The following TFIP11 variants were observed in gnomAD, a reference collection of about 807,000 sequenced individuals.
The protein encoded by TFIP11 is tuftelin-interacting protein 11.
A neutral mutation model predicts 96.8 loss-of-function variants in TFIP11; 86 were observed. That is an observed-to-expected ratio of 0.89 (90% CI 0.75 to 1.06). The LOEUF (loss-of-function observed/expected upper bound fraction) is 1.06, where lower values mean the gene tolerates loss of function less well. Ranked by LOEUF, TFIP11 falls within the 50% of genes least tolerant of loss-of-function variation. The pLI, the probability that TFIP11 is intolerant of heterozygous loss-of-function variation, is 0.00. For synonymous variants in TFIP11, 405 were observed against 395.2 expected, an observed-to-expected ratio of 1.02 and a Z score of -0.29; for missense variants, 881 against 1,076.7, an observed-to-expected ratio of 0.82 and a Z score of 2.54.
At chr22:26,495,790 G>A (rs1381536467) in intron 12 of TFIP11, among the ~76,000 whole-genome samples, 3 of 151,852 alleles carry the variant, frequency 2.0e-5, no homozygotes, top group Non-Finnish European at 4.4e-5. Context: ...TCCAATGGCT[G>A]TCCTATTACC....
chr22:26,495,069 C>G (rs1040986466), intron 12 of TFIP11, 130 bp from the exon 13 acceptor site: 4 of 1,247,516 alleles, frequency 3.2e-6, no homozygotes, highest in Non-Finnish European at 4.4e-6. Flanking sequence ...TCAAGTGACT[C>G]TTGTGCCTCA....
intron 6 of TFIP11, among the ~76,000 whole-genome samples, chr22:26,505,450 A>G (rs74415593): frequency 6.6e-6 from 1 of 152,286 alleles, no homozygotes; most frequent in East Asian, 1.9e-4. Flanking sequence ...TTTCCACAAA[A>G]TTAAAACCCT....
In TFIP11 at chr22:26,498,964, A is replaced by G. The variant is rs570811760; in HGVS notation, c.1341T>C (p.Tyr447=). The part of the protein sequence containing the change: ...KEWDPLKDCT[Y]GTEIISKWKS... Reference sequence around the variant, plus strand: ...TCCACTTAGAGATGATCTCGGTGCCATAAGTGCAGTCCTGAGGAGAAAGGT... The same window carrying G: ...TCCACTTAGAGATGATCTCGGTGCCGTAAGTGCAGTCCTGAGGAGAAAGGT... The change falls in exon 10 of 15, where the codon TAT becomes TAC. Residue 447 remains tyrosine (Y), a synonymous_variant. Transcript: ENST00000407690. 22 of 1,613,602 alleles carry G rather than the reference A, an allele frequency of 1.4e-5. No homozygotes were observed. Among genetic ancestry groups the G allele is most frequent in the African/African-American group, 2.7e-5 (2 of 74,814 alleles).
chr22:26,500,577 C>G (rs1458809165), intron 8 of TFIP11, among the ~76,000 whole-genome samples: 1 of 152,032 alleles, frequency 6.6e-6, no homozygotes. Flanking sequence ...TGAATACGGA[C>G]TACACTTCTG....
At position 26,506,892 on chromosome 22, in the gene TFIP11, G is replaced by A. The variant is rs370549830; in HGVS notation, c.246C>T (p.Ser82=). Residue 82 remains serine, a synonymous_variant, in exon 5 of 15, where the codon AGC becomes AGT. Transcript: ENST00000407690. ...RDYSAPVNFI[S]AGLKKGAAEE... is the part of the protein sequence containing the mutation. ...CCGCTGCCCCTTTCTTGAGCCCTGC[G>A]CTGATGAAGTTGACTGGCGCAGAGT... The A allele has an allele frequency of 1.4e-5, 23 of 1,613,992 alleles. No individual in the cohort carries two copies. Among genetic ancestry groups the A allele is most frequent in the African/African-American group, 4.0e-5 (3 of 74,888 alleles).
chr22:26,499,637 A>C lies in TFIP11; in HGVS notation c.802-6T>G, dbSNP rs760977008. 2 of 1,602,636 alleles carry C rather than the reference A, an allele frequency of 1.2e-6. No homozygotes were observed. Among genetic ancestry groups the C allele is most frequent in the South Asian group, 1.1e-5 (1 of 89,750 alleles). Reference sequence around the variant, plus strand: ...CGGCCTGTCATGTCTATGACCTTGGAAAACATAGAGGGATGAAGGTTAACA... The same window carrying C: ...CGGCCTGTCATGTCTATGACCTTGGCAAACATAGAGGGATGAAGGTTAACA... On this transcript the variant is annotated splice_region_variant and splice_polypyrimidine_tract_variant and intron_variant, in intron 8 of 14. Coordinates refer to ENST00000407690, the MANE Select transcript of TFIP11 (RefSeq NM_012143.4).
chr22:26,497,059 TC>T (rs1237130102), intron 10 of TFIP11, among the ~76,000 whole-genome samples, 170 bp from the exon 11 acceptor site: 1 of 152,128 alleles, frequency 6.6e-6, no homozygotes, highest in Non-Finnish European at 1.5e-5. Context: ...GCCTGCCTCT[TC>T]CTTGTTCTCT....
At position 26,492,429 on chromosome 22, in the gene TFIP11, CTG is replaced by C. The variant is rs558034655; in HGVS notation, c.2159-63_2159-62del. On this transcript the variant is annotated intron_variant, in intron 14 of 14. Transcript: ENST00000407690. The stretch of plus-strand genomic sequence containing the variant: ...GTTTCCAGGTGTATGGAAGTTGACA[CTG>C]TGGCTTGGCCCAGGTCTTGGGTGTG... 15 of 1,522,808 alleles carry C rather than the reference CTG, an allele frequency of 9.9e-6. No homozygotes were observed. The African/African-American group carries it at 1.8e-4, about 18-fold the overall frequency. The allele number at this position is 1,522,808 out of a possible 1,614,324, so 94.3% of individuals were successfully genotyped here. A position where few individuals can be genotyped will look rare whatever the true frequency, so the allele number is the denominator to read the frequency against.
intron 4 of TFIP11, among the ~76,000 whole-genome samples, chr22:26,507,798 C>A (rs1255452743): frequency 6.6e-6 from 1 of 152,068 alleles, no homozygotes; most frequent in African/African-American, 2.4e-5. Flanking sequence ...TATATTTGTA[C>A]TGTGTGGTTT....
intron 10 of TFIP11, among the ~76,000 whole-genome samples, chr22:26,498,077 G>A (rs1922284568): frequency 6.6e-6 from 1 of 152,136 alleles, no homozygotes; most frequent in South Asian, 2.1e-4. Flanking sequence ...GCAGCAAGTT[G>A]GTTGGAATTG....
rs1924181589 is a variant in TFIP11 at position 26,512,374 on chromosome 22, T to A, written c.-173+20A>T. ...CTACTCTCACTGGCGCTGAGTCCCC[T>A]TGTGGCCAGCCGTGCTCACCTGTCC... On this transcript the variant is annotated intron_variant, in intron 1 of 14. Transcript: ENST00000407690. The A allele has an allele frequency of 6.6e-6, 1 of 152,266 alleles. No homozygotes were observed. Among genetic ancestry groups the A allele is most frequent in the Non-Finnish European group, 1.5e-5 (1 of 68,086 alleles). The allele number at this position is 152,266 out of a possible 1,614,324, so 9.4% of individuals were successfully genotyped here.
intron 2 of TFIP11, chr22:26,511,657 T>C (rs1392131002): frequency 1.3e-5 from 2 of 152,206 alleles, no homozygotes; most frequent in Non-Finnish European, 2.9e-5. Flanking sequence ...ATACACTCCA[T>C]AGGTGACAGC....
In TFIP11 at chr22:26,499,483, A is replaced by G. The variant is rs1436788693; in HGVS notation, c.950T>C (p.Leu317Pro). ...CTGCAGGTTGTGCTCCAGCTCGGGC[A>G]GCGCGAAGCCGGGGGCCTTGGCCTC... ...GKEAKAPGFA[L>P]PELEHNLQLL... The change falls in exon 9 of 15, where the codon CTG (leucine) becomes CCG (proline). Residue 317 changes from leucine to proline, a missense_variant. Coordinates refer to ENST00000407690, the MANE Select transcript of TFIP11 (RefSeq NM_012143.4). The G allele has an allele frequency of 1.2e-6, 2 of 1,614,210 alleles. No homozygotes were observed. The highest frequency in any genetic ancestry group is 1.7e-6 in the Non-Finnish European group (2 of 1,180,050).
At chr22:26,509,381 G>A (rs1923785827) in intron 4 of TFIP11, among the ~76,000 whole-genome samples, 1 of 152,150 alleles carries the variant, frequency 6.6e-6, no homozygotes, top group Non-Finnish European at 1.5e-5. Context: ...TAGATGAAAT[G>A]CCCTAAAATG....
chr22:26,499,550 C>G lies in TFIP11; in HGVS notation c.883G>C (p.Gly295Arg). ...AGCTGTTGGGACTGTAGCGGCAGCCCATCATCGGGAACGTTGTGCTTGTGG... is the reference window on the plus strand; with the variant it reads ...AGCTGTTGGGACTGTAGCGGCAGCCGATCATCGGGAACGTTGTGCTTGTGG... The part of the protein sequence containing the change: ...ISHKHNVPDD[G>R]LPLQSQQLPQ... Residue 295 changes from glycine to arginine, a missense_variant, in exon 9 of 15, where the codon GGG (glycine) becomes CGG (arginine). Gly to Arg is a moderately radical substitution (Grantham distance 125). Transcript: ENST00000407690. The G allele has an allele frequency of 6.2e-7, 1 of 1,614,220 alleles. No homozygotes were observed.
chr22:26,501,979 TTG>T lies in TFIP11; in HGVS notation c.720_721del (p.Tyr240Ter). 6.2e-7 allele frequency: 1 copy of T among 1,613,862 alleles called. No individual in the cohort carries two copies. Among genetic ancestry groups the T allele is most frequent in the South Asian group, 1.1e-5 (1 of 91,058 alleles). ...CTTGGCCTTCAACTCTTCCACGGTC[TTG>T]TAAGAGTATTTGGGCTTCTTCTTGC... On this transcript the variant is annotated stop_gained and frameshift_variant, in exon 8 of 15. Transcript: ENST00000407690. LOFTEE classifies it high-confidence loss of function.
chr22:26,494,705 T>C (rs1490231005), intron 13 of TFIP11, 92 bp downstream of exon 13: 2 of 1,530,290 alleles, frequency 1.3e-6, no homozygotes, highest in African/African-American at 1.4e-5. Flanking sequence ...ATTTTCATTA[T>C]GGAATTGTAC....
chr22:26,510,245 C>T lies in TFIP11; in HGVS notation c.28G>A (p.Gly10Arg). The T allele has an allele frequency of 6.2e-7, 1 of 1,614,134 alleles. No homozygotes were observed. The highest frequency in any genetic ancestry group is 8.5e-7 in the Non-Finnish European group (1 of 1,180,046). MSLSHLYRD[G>R]EGRIDDDDDE... ...TCATCATCATCAATGCGGCCTTCCC[C>T]ATCCCGGTATAAGTGGGACAATGAC... is the stretch of plus-strand genomic sequence containing the variant. Residue 10 changes from glycine (G) to arginine (R), a missense_variant, in exon 4 of 15, where the codon GGG becomes AGG. Transcript: ENST00000407690.
At chr22:26,505,296 G>C (rs1222273058) in intron 6 of TFIP11, among the ~76,000 whole-genome samples, 1 of 152,162 alleles carries the variant, frequency 6.6e-6, no homozygotes, top group African/African-American at 2.4e-5. Flanking sequence ...GCCATGAGAA[G>C]ACAGGAGGAG....
Sources: allele counts gnomAD v4.1 joint callset (sites outside exome capture counted in the v4.1 genomes callset), GRCh38; gene constraint gnomAD v4.1.1; transcripts MANE v1.5; gene names NCBI Gene and HGNC (gene_info 2026-07-23, HGNC 2026-07-21).